Variants in ST18 observed in about 807,000 individuals in gnomAD.
ST18 encodes the protein ST18 C2H2C-type zinc finger transcription factor.
Under a neutral mutation model 110.0 loss-of-function variants are expected in ST18, and 50 were observed. That is an observed-to-expected ratio of 0.45 (90% CI 0.36 to 0.58). ST18 has a LOEUF of 0.58. Among genes scored for constraint, ST18 ranks in the 20% least tolerant of loss-of-function variants. The pLI is 0.00. For missense variants in ST18, 1,306 were observed against 1,280.1 expected, an observed-to-expected ratio of 1.02 and a Z score of -0.31; for synonymous variants, 461 against 452.4, an observed-to-expected ratio of 1.02 and a Z score of -0.24.
intron 2 of ST18, among the ~76,000 whole-genome samples, chr8:52,329,430 G>A (rs1021478266): frequency 6.6e-6 from 1 of 152,058 alleles, no homozygotes; most frequent in Admixed American, 6.6e-5. Context: ...CTCTGAACAC[G>A]TTCCTTGTTT....
Position 52,261,094 on chromosome 8 carries a change from G to A in ST18, c.-464-31017C>T, listed in dbSNP as rs149107198. Among the ~76,000 whole-genome samples the A allele has an allele frequency of 7.2e-5, 11 of 152,332 alleles. No homozygotes were observed. The East Asian group carries it at 2.1e-3, about 29-fold the overall frequency. On this transcript the variant is annotated intron_variant, in intron 2 of 25. Coordinates refer to ENST00000689386, the MANE Select transcript of ST18 (RefSeq NM_001352837.2). ...CTCTGAATGTCCTGGGATTGGAGGT[G>A]AGGATGATATGCCGTGCTGATGCTC...
At chr8:52,310,365 G>A (rs2095883886) in intron 2 of ST18, among the ~76,000 whole-genome samples, 1 of 148,276 alleles carries the variant, frequency 6.7e-6, no homozygotes, top group African/African-American at 2.5e-5. Flanking sequence ...TAAACATAAT[G>A]AGCACTGTGT....
At chr8:52,310,768 C>T (rs559414901) in intron 2 of ST18, among the ~76,000 whole-genome samples, 7 of 152,138 alleles carry the variant, frequency 4.6e-5, no homozygotes, top group South Asian at 4.2e-4. Context: ...TTGTCTTAGG[C>T]TATGATAAGG....
chr8:52,129,451 CAA>C (rs34059224), intron 22 of ST18, among the ~76,000 whole-genome samples: 15,745 of 71,710 alleles, frequency 0.22, 660 homozygotes, highest in Middle Eastern at 0.26. Flanking sequence ...GAGACTCCAT[CAA>C]AAAAAAAAAA....
At chr8:52,339,257 C>T (rs1451078556) in intron 2 of ST18, among the ~76,000 whole-genome samples, 1 of 152,120 alleles carries the variant, frequency 6.6e-6, no homozygotes, top group Non-Finnish European at 1.5e-5. Context: ...ACTATGTGGA[C>T]CCCCATCCTC....
chr8:52,327,445 A>T (rs1213491322), intron 2 of ST18, among the ~76,000 whole-genome samples: 2 of 152,218 alleles, frequency 1.3e-5, no homozygotes, highest in African/African-American at 4.8e-5. Context: ...GATGAAGGAC[A>T]TAGTTGAAAA....
chr8:52,365,587 A>G (rs1827548790), intron 2 of ST18, among the ~76,000 whole-genome samples: 1 of 152,194 alleles, frequency 6.6e-6, no homozygotes, highest in South Asian at 2.1e-4. Context: ...CTAGTTTAAA[A>G]AAAAAAACTT....
chr8:52,257,032 A>G (rs2094548101), intron 2 of ST18, among the ~76,000 whole-genome samples: 1 of 152,176 alleles, frequency 6.6e-6, no homozygotes, highest in Non-Finnish European at 1.5e-5. Context: ...AATTTTGGAC[A>G]TTTTATAATA....
chr8:52,388,430 G>A (rs1202781021), intron 2 of ST18, among the ~76,000 whole-genome samples: 2 of 151,968 alleles, frequency 1.3e-5, no homozygotes, highest in Non-Finnish European at 2.9e-5. Context: ...TCCTTCTCAA[G>A]GTAAAGTGCC....
intron 2 of ST18, among the ~76,000 whole-genome samples, chr8:52,306,465 T>A (rs939231623): frequency 1.1e-4 from 17 of 152,018 alleles, no homozygotes; most frequent in Non-Finnish European, 2.1e-4. Context: ...AACAAATACA[T>A]GAAGAAATAA....
intron 19 of ST18, among the ~76,000 whole-genome samples, chr8:52,135,568 C>CAAAAAAA (rs71252929): frequency 4.3e-4 from 24 of 56,086 alleles, no homozygotes; most frequent in African/African-American, 6.8e-4. Context: ...AACTCCATCT[C>CAAAAAAA]AAAAAAAAAA....
intron 16 of ST18, among the ~76,000 whole-genome samples, chr8:52,146,849 T>G (rs1243328667): frequency 6.6e-6 from 1 of 152,196 alleles, no homozygotes; most frequent in African/African-American, 2.4e-5. Flanking sequence ...TTAGAGTGAT[T>G]CAGAAGTACT....
intron 2 of ST18, among the ~76,000 whole-genome samples, chr8:52,323,505 C>T (rs2139945301): frequency 6.6e-6 from 1 of 152,288 alleles, no homozygotes; most frequent in East Asian, 1.9e-4. Context: ...TAAAGCTTCC[C>T]TTCTCCTGCT....
chr8:52,179,670 T>G (rs534140197), intron 9 of ST18, among the ~76,000 whole-genome samples: 2 of 152,204 alleles, frequency 1.3e-5, no homozygotes, highest in East Asian at 1.9e-4. Flanking sequence ...TAAAAAAAAT[T>G]TTTAACTGTA....
At chr8:52,113,419 A>AGT in intron 25 of ST18, 81 bp from the exon 26 acceptor site, 1 of 1,554,368 alleles carries the variant, frequency 6.4e-7, no homozygotes, top group Non-Finnish European at 8.8e-7. Context: ...ATCGAAGATC[A>AGT]GTGATCCGGG....
At chr8:52,135,772 G>A (rs538017461) in intron 19 of ST18, among the ~76,000 whole-genome samples, 8 of 151,680 alleles carry the variant, frequency 5.3e-5, no homozygotes, top group Non-Finnish European at 1.0e-4. Context: ...AAAAGTGAAG[G>A]ACTAACAAAA....
chr8:52,309,322 A>T (rs766098607), intron 2 of ST18, among the ~76,000 whole-genome samples: 12 of 152,152 alleles, frequency 7.9e-5, no homozygotes, highest in Non-Finnish European at 1.5e-5. Flanking sequence ...GGATTTCGAG[A>T]CCAGCCTGAC....
intron 2 of ST18, among the ~76,000 whole-genome samples, chr8:52,346,486 C>A (rs187597055): frequency 6.6e-5 from 10 of 152,112 alleles, no homozygotes; most frequent in Non-Finnish European, 1.2e-4. Context: ...AATTTCCAGA[C>A]CACAAGGCCC....
At chr8:52,343,194 G>C (rs1815972246) in intron 2 of ST18, among the ~76,000 whole-genome samples, 1 of 152,126 alleles carries the variant, frequency 6.6e-6, no homozygotes, top group Non-Finnish European at 1.5e-5. Flanking sequence ...AGAGGTGGGG[G>C]TGAGGAGGGC....
Sources: allele counts gnomAD v4.1 joint callset (sites outside exome capture counted in the v4.1 genomes callset), GRCh38; gene constraint gnomAD v4.1.1; transcripts MANE v1.5; gene names NCBI Gene and HGNC (gene_info 2026-07-23, HGNC 2026-07-21).